NUMB: variants seen among roughly 807,000 people sequenced by gnomAD.
NUMB encodes protein numb homolog.
In NUMB, 29 loss-of-function variants were observed where a neutral mutation model predicts 59.7. The ratio of observed to expected loss-of-function variants is 0.49; its 90% CI spans 0.36 to 0.66. The LOEUF (loss-of-function observed/expected upper bound fraction) is 0.66, where lower values mean the gene tolerates loss of function less well. Ranked by LOEUF, NUMB falls within the 30% of genes least tolerant of loss-of-function variation. The pLI, the probability that NUMB is intolerant of heterozygous loss-of-function variation, is 0.00. For missense variants in NUMB, 723 were observed against 822.0 expected (o/e 0.88, Z 1.47); for synonymous variants, 288 against 288.2 (o/e 1.00, Z 0.01).
intron 6 of NUMB, among the ~76,000 whole-genome samples, chr14:73,305,911 G>A (rs377207752): frequency 2.6e-5 from 4 of 152,156 alleles, no homozygotes; most frequent in Admixed American, 6.5e-5. Flanking sequence ...ATAAACAAAC[G>A]AGACTTTTTT....
chr14:73,313,461 G>T (rs949094436), intron 6 of NUMB, among the ~76,000 whole-genome samples: 9 of 151,156 alleles, frequency 6.0e-5, no homozygotes, highest in African/African-American at 1.7e-4. Context: ...CAATGTACAT[G>T]AACTTTGTTT....
intron 1 of NUMB, among the ~76,000 whole-genome samples, chr14:73,416,995 AGAG>A (rs1897153681): frequency 6.6e-6 from 1 of 151,866 alleles, no homozygotes; most frequent in Non-Finnish European, 1.5e-5. Context: ...ATGGCATGGC[AGAG>A]GAGAAGAGAA....
chr14:73,364,692 A>G (rs1019544147), intron 3 of NUMB, among the ~76,000 whole-genome samples: 4 of 152,200 alleles, frequency 2.6e-5, no homozygotes, highest in Admixed American at 2.6e-4. Context: ...CAGTGGCACG[A>G]TCATGACTCA....
intron 1 of NUMB, among the ~76,000 whole-genome samples, chr14:73,443,956 G>A (rs1165477781): frequency 6.6e-6 from 1 of 151,944 alleles, no homozygotes; most frequent in East Asian, 1.9e-4. Flanking sequence ...CCCCCACGCA[G>A]GAGTGCAGTG....
At chr14:73,418,953 G>GAC (rs1038894634) in intron 1 of NUMB, among the ~76,000 whole-genome samples, 1 of 151,914 alleles carries the variant, frequency 6.6e-6, no homozygotes, top group African/African-American at 2.4e-5. Flanking sequence ...TCAAGAATAG[G>GAC]ACCAAAGAGT....
chr14:73,339,176 G>A (rs1314507864), intron 4 of NUMB, among the ~76,000 whole-genome samples: 2 of 152,118 alleles, frequency 1.3e-5, no homozygotes, highest in African/African-American at 4.8e-5. Context: ...ACTTAATTAT[G>A]TAAGCATAGG....
intron 4 of NUMB, among the ~76,000 whole-genome samples, chr14:73,354,209 C>T (rs1893640264): frequency 6.6e-6 from 1 of 151,764 alleles, no homozygotes; most frequent in Non-Finnish European, 1.5e-5. Flanking sequence ...AGAATATTTA[C>T]ACTTATAAGA....
At chr14:73,350,078 T>TATACAC (rs1555373556) in intron 4 of NUMB, among the ~76,000 whole-genome samples, 4 of 137,698 alleles carry the variant, frequency 2.9e-5, no homozygotes, top group African/African-American at 1.2e-4. Flanking sequence ...CATACATACA[T>TATACAC]ACACACACAC....
At chr14:73,277,385 C>G in intron 12 of NUMB, 92 bp from the exon 13 acceptor site, 7 of 967,862 alleles carry the variant, frequency 7.2e-6, no homozygotes, top group African/African-American at 1.6e-5. Context: ...CTAACATGTA[C>G]AACATGTCCC....
chr14:73,357,774 GTAAA>G (rs1893880455), intron 3 of NUMB, among the ~76,000 whole-genome samples: 2 of 151,174 alleles, frequency 1.3e-5, no homozygotes, highest in Admixed American at 6.6e-5. Context: ...AAGAAATTAA[GTAAA>G]TAAATAAAGG....
chr14:73,395,790 G>A (rs1024814541), intron 2 of NUMB, among the ~76,000 whole-genome samples: 2 of 152,162 alleles, frequency 1.3e-5, no homozygotes, highest in African/African-American at 2.4e-5. Context: ...TACAGGCAAT[G>A]CATAGTTTTT....
At chr14:73,291,846 G>A (rs1040773404) in intron 8 of NUMB, among the ~76,000 whole-genome samples, 3 of 151,122 alleles carry the variant, frequency 2.0e-5, no homozygotes, top group African/African-American at 7.3e-5. Context: ...ACCACGCCCA[G>A]CTAATTTTTT....
intron 1 of NUMB, among the ~76,000 whole-genome samples, chr14:73,444,730 G>A (rs1298085633): frequency 1.3e-5 from 2 of 151,392 alleles, no homozygotes; most frequent in Admixed American, 1.3e-4. Flanking sequence ...GGTGGCGTGC[G>A]CCTGTAGTCC....
In NUMB at chr14:73,385,308, C is replaced by CTTTTT. The variant is rs1174960370; in HGVS notation, c.-100-18332_-100-18328dup. Reference sequence around the variant, plus strand: ...AGCTATAGGTGCATACCAGTTAATTCTTTTTTTTTTTTTTTTTTTGGTAGA... The same window carrying CTTTTT: ...AGCTATAGGTGCATACCAGTTAATTCTTTTTTTTTTTTTTTTTTTTTTTTGGTAGA... On this transcript the variant is annotated intron_variant, in intron 2 of 12. Transcript: ENST00000555238. Among the ~76,000 whole-genome samples the CTTTTT allele has an allele frequency of 3.4e-3, 383 of 112,274 alleles. 10 individuals carry two copies. Among genetic ancestry groups the CTTTTT allele is most frequent in the African/African-American group, 0.011 (354 of 30,910 alleles). The allele number at this position is 112,274 out of a possible 152,430, so 73.7% of individuals were successfully genotyped here.
At chr14:73,439,215 T>C (rs1882843359) in intron 1 of NUMB, among the ~76,000 whole-genome samples, 1 of 152,100 alleles carries the variant, frequency 6.6e-6, no homozygotes. Context: ...TCCTAGGAAA[T>C]TAGTTTTTAC....
At chr14:73,445,372 A>AC (rs1566800935) in intron 1 of NUMB, among the ~76,000 whole-genome samples, 11 of 134,606 alleles carry the variant, frequency 8.2e-5, no homozygotes, top group Non-Finnish European at 1.5e-4. Flanking sequence ...AAAAAAAAAA[A>AC]AAAAAAAAAA....
Position 73,276,618 on chromosome 14 carries a change from A to G in NUMB, c.1916T>C (p.Phe639Ser). The G allele has an allele frequency of 6.2e-7, 1 of 1,613,806 alleles. No individual in the cohort carries two copies. The highest frequency in any genetic ancestry group is 8.5e-7 in the Non-Finnish European group (1 of 1,179,792). ...AAACGTCTTCTGTAAGTCACTGGAG[A>G]AAGGGTTGGTAGGGGAGGGATTAGT... ...QRTNPSPTNP[F>S]SSDLQKTFEI... The change falls in exon 13 of 13, where the codon TTC becomes TCC. Residue 639 changes from phenylalanine (F) to serine (S), a missense_variant. By Grantham distance (155) the Phe-to-Ser change is radical. Transcript: ENST00000555238.
chr14:73,442,707 C>A, intron 1 of NUMB, among the ~76,000 whole-genome samples: 1 of 152,152 alleles, frequency 6.6e-6, no homozygotes, highest in South Asian at 2.1e-4. Context: ...CTAGAAATTG[C>A]AAACTAATCC....
intron 4 of NUMB, among the ~76,000 whole-genome samples, chr14:73,324,330 G>A (rs1217683675): frequency 6.6e-6 from 1 of 152,096 alleles, no homozygotes; most frequent in Non-Finnish European, 1.5e-5. Flanking sequence ...TGTAGCTCAG[G>A]ATGCCATAAA....
Sources: gnomAD v4.1 joint callset for allele counts (sites outside exome capture counted in the v4.1 genomes callset) on GRCh38, gnomAD v4.1.1 for gene constraint, MANE v1.5 for transcripts, NCBI Gene and HGNC (gene_info 2026-07-23, HGNC 2026-07-21) for gene names.